The following CAPG variants were observed in gnomAD, a reference collection of about 807,000 sequenced individuals.
CAPG encodes macrophage-capping protein.
CAPG carries 32 observed loss-of-function variants against 44.6 expected under a neutral mutation model. The ratio of observed to expected loss-of-function variants is 0.72; its 90% CI spans 0.54 to 0.96. CAPG has a LOEUF of 0.96. Ranked by LOEUF, CAPG falls within the 50% of genes least tolerant of loss-of-function variation. The pLI is 0.00. For synonymous variants in CAPG, 175 were observed against 179.6 expected, an observed-to-expected ratio of 0.97 and a Z score of 0.20; for missense variants, 412 against 438.3, an observed-to-expected ratio of 0.94 and a Z score of 0.54.
chr2:85,403,886 CAAAAAAA>C (rs36054381), intron 1 of CAPG, among the ~76,000 whole-genome samples: 5 of 69,800 alleles, frequency 7.2e-5, no homozygotes, highest in African/African-American at 1.1e-4. Context: ...GACTCCATCT[CAAAAAAA>C]AAAAAAAAAA....
chr2:85,415,209 G>A (rs114076740), upstream of CAPG, among the ~76,000 whole-genome samples: 580 of 152,190 alleles, frequency 3.8e-3, 5 homozygotes, highest in African/African-American at 0.013. Context: ...AACTCCCTCT[G>A]CAGTGCTCCC....
intron 1 of CAPG, among the ~76,000 whole-genome samples, chr2:85,415,976 CA>C (rs949718006): frequency 6.6e-6 from 1 of 152,190 alleles, no homozygotes; most frequent in African/African-American, 2.4e-5. Context: ...CTCGGCCTCC[CA>C]AAGTGCTGGG....
intron 1 of CAPG, among the ~76,000 whole-genome samples, chr2:85,404,951 A>AT (rs35523416): frequency 1.6e-5 from 2 of 126,258 alleles, no homozygotes; most frequent in East Asian, 2.3e-4. Context: ...AAAAAAAAAA[A>AT]TTTTTTTTTT....
At chr2:85,417,480 T>C (rs1312525409) in intron 1 of CAPG, among the ~76,000 whole-genome samples, 1 of 139,032 alleles carries the variant, frequency 7.2e-6, no homozygotes, top group African/African-American at 2.7e-5. Flanking sequence ...CTCAGCTCTT[T>C]TTTTTTTTTT....
At chr2:85,415,379 C>T (rs1188330654) in intron 1 of CAPG, among the ~76,000 whole-genome samples, 1 of 152,214 alleles carries the variant, frequency 6.6e-6, no homozygotes, top group African/African-American at 2.4e-5. Context: ...AGGCATAGTC[C>T]TTCCAGAGCA....
At chr2:85,402,183 T>C in intron 1 of CAPG, 25 bp from the exon 2 acceptor site, 1 of 1,573,528 alleles carries the variant, frequency 6.4e-7, no homozygotes, top group Non-Finnish European at 8.7e-7. Flanking sequence ...GAAGCCATTA[T>C]TATTACAAAT....
chr2:85,394,555 G>C (rs1008030948), downstream of CAPG, among the ~76,000 whole-genome samples: 15 of 152,376 alleles, frequency 9.8e-5, no homozygotes, highest in Non-Finnish European at 2.1e-4. Flanking sequence ...AACTGATCCT[G>C]AGGCCTGGCA....
In CAPG at chr2:85,401,232, G is replaced by A. The variant is rs775817650; in HGVS notation, c.449C>T (p.Ala150Val). The A allele has an allele frequency of 6.2e-7, 1 of 1,614,184 alleles. No individual in the cohort carries two copies. Among genetic ancestry groups the A allele is most frequent in the East Asian group, 2.2e-5 (1 of 44,880 alleles). Reference sequence around the variant, plus strand: ...GTCCCAGTTCAGTGCCCGCTCGGTGGCACGGATGTTCTTCTTCCCCTTCAC... The same window carrying A: ...GTCCCAGTTCAGTGCCCGCTCGGTGACACGGATGTTCTTCTTCCCCTTCAC... ...YQVKGKKNIR[A>V]TERALNWDSF... The change falls in exon 5 of 10, where the codon GCC (alanine) becomes GTC (valine). Residue 150 changes from alanine (A) to valine (V), a missense_variant. Coordinates refer to ENST00000263867, the MANE Select transcript of CAPG (RefSeq NM_001747.4).
chr2:85,400,175 T>C (rs747457731), intron 5 of CAPG, among the ~76,000 whole-genome samples: 2 of 152,194 alleles, frequency 1.3e-5, no homozygotes, highest in African/African-American at 4.8e-5. Flanking sequence ...GTGGGCCCAC[T>C]GCTAAAACAG....
intron 1 of CAPG, among the ~76,000 whole-genome samples, chr2:85,415,429 T>C (rs141773570): frequency 6.6e-6 from 1 of 152,334 alleles, no homozygotes; most frequent in East Asian, 1.9e-4. Context: ...AAATTTATAG[T>C]GAAATGCACA....
intron 1 of CAPG, chr2:85,418,240 C>T (rs1370648599): frequency 6.6e-6 from 1 of 152,238 alleles, no homozygotes; most frequent in Non-Finnish European, 1.5e-5. Context: ...CCAGAGCGCG[C>T]CCCTCTTTGT....
chr2:85,416,122 A>G (rs1486013800), intron 1 of CAPG, among the ~76,000 whole-genome samples: 2 of 152,202 alleles, frequency 1.3e-5, no homozygotes, highest in Non-Finnish European at 1.5e-5. Context: ...GAAACCCAGG[A>G]GAGAGAAGCA....
At chr2:85,408,502 T>C (rs551371148) in intron 1 of CAPG, among the ~76,000 whole-genome samples, 89 of 152,240 alleles carry the variant, frequency 5.8e-4, no homozygotes, top group Non-Finnish European at 1.1e-3. Flanking sequence ...AGCACATACT[T>C]TAGCCTGTTT....
chr2:85,415,723 C>T (rs1687537589), intron 1 of CAPG, among the ~76,000 whole-genome samples: 1 of 152,234 alleles, frequency 6.6e-6, no homozygotes, highest in South Asian at 2.1e-4. Flanking sequence ...TGCCCAGATT[C>T]TGTTGCCTCG....
In CAPG at chr2:85,395,617, G is replaced by A. The variant is rs987498288; in HGVS notation, c.902C>T (p.Ala301Val). Residue 301 changes from alanine (A) to valine (V), a missense_variant, in exon 9 of 10, where the codon GCG becomes GTG. Coordinates refer to ENST00000263867, the MANE Select transcript of CAPG (RefSeq NM_001747.4). The surrounding 1 kb of genome is among the most constrained non-coding windows in gnomAD (Gnocchi z 4.3). ...GGCTGCCTGCCGCTCCTTCTCATTC[G>A]CTTTTCGCCCTAGATCATAGGAAGG... ...GKIYIWKGRK[A>V]NEKERQAALQ... The A allele has an allele frequency of 8.7e-6, 14 of 1,613,116 alleles. No homozygotes were observed. The highest frequency in any genetic ancestry group is 6.7e-5 in the African/African-American group (5 of 75,046).
chr2:85,400,947 G>T (rs995132841), intron 5 of CAPG, among the ~76,000 whole-genome samples: 5 of 152,186 alleles, frequency 3.3e-5, no homozygotes, highest in Non-Finnish European at 7.3e-5. Context: ...CAAGAGGAGG[G>T]AAAAAGCTCC....
upstream of CAPG, among the ~76,000 whole-genome samples, chr2:85,411,563 C>A (rs934658235): frequency 2.0e-5 from 3 of 152,320 alleles, no homozygotes; most frequent in Middle Eastern, 3.4e-3. Context: ...AGTTATGCAG[C>A]CACACAAGCG....
Position 85,395,931 on chromosome 2 carries a change from G to C in CAPG, c.893-305C>G. 2.9e-6 allele frequency: 1 copy of C among 340,260 alleles called. No individual in the cohort carries two copies. Among genetic ancestry groups the C allele is most frequent in the South Asian group, 4.3e-5 (1 of 23,262 alleles). The allele number at this position is 340,260 out of a possible 1,614,324, so 21.1% of individuals were successfully genotyped here. A position where few individuals can be genotyped will look rare whatever the true frequency, so the allele number is the denominator to read the frequency against. ...GGGAGGGGAACAGGTGTTCACCCTA[G>C]CATCAGACTGTGAGGCCGCAGGTCT... is the stretch of plus-strand genomic sequence containing the variant. On this transcript the variant is annotated intron_variant, in intron 8 of 9. Coordinates refer to ENST00000263867, the MANE Select transcript of CAPG (RefSeq NM_001747.4). This position sits in a 1 kb window ranked among gnomAD's most constrained non-coding sequence, Gnocchi z 4.3.
intron 1 of CAPG, among the ~76,000 whole-genome samples, chr2:85,406,023 C>T (rs1320886393): frequency 3.3e-5 from 5 of 152,222 alleles, no homozygotes; most frequent in East Asian, 3.9e-4. Context: ...TTTGGCAGGC[C>T]GGGTGCGGTG....
Sources: allele counts gnomAD v4.1 joint callset (sites outside exome capture counted in the v4.1 genomes callset), GRCh38; gene constraint gnomAD v4.1.1; non-coding constraint Gnocchi (gnomAD v3.1); transcripts MANE v1.5; gene names NCBI Gene and HGNC (gene_info 2026-07-23, HGNC 2026-07-21).